Variants in GRIP1 observed in about 807,000 individuals in gnomAD.
GRIP1 encodes glutamate receptor interacting protein 1, also known as glutamate receptor-interacting protein 1.
In GRIP1, 45 loss-of-function variants were observed where a neutral mutation model predicts 129.9. The ratio of observed to expected loss-of-function variants is 0.35; its 90% CI spans 0.27 to 0.44. The LOEUF (loss-of-function observed/expected upper bound fraction) is 0.44. GRIP1 is among the 20% of genes least tolerant of loss of function. GRIP1 has a pLI of 1.00. For missense variants in GRIP1, 1,196 were observed against 1,396.8 expected (o/e 0.86, Z 2.29); for synonymous variants, 530 against 520.8 (o/e 1.02, Z -0.24).
chr12:66,923,785 ATTG>A lies in GRIP1; in HGVS notation c.58+145262_58+145264del, dbSNP rs2041251130. On this transcript the variant is annotated intron_variant, in intron 1 of 1. Coordinates refer to the GRIP1 transcript ENST00000643019. Reference sequence around the variant, plus strand: ...ATTCCTCATCTATAAAATGGGAGTAATTGTTGTATTTATACTCCCTGAGCTTTC... The same window carrying A: ...ATTCCTCATCTATAAAATGGGAGTAATTGTATTTATACTCCCTGAGCTTTC... Among the ~76,000 whole-genome samples, 8 of 152,262 alleles carry A rather than the reference ATTG, an allele frequency of 5.3e-5. No individual in the cohort carries two copies. The South Asian group carries it at 1.5e-3, about 28-fold the overall frequency.
chr12:66,795,967 T>C (rs2038683673), intron 1 of GRIP1, among the ~76,000 whole-genome samples: 1 of 152,166 alleles, frequency 6.6e-6, no homozygotes, highest in Admixed American at 6.6e-5. Flanking sequence ...AGTGTACTTT[T>C]AGCTTAAGAA....
chr12:66,971,577 T>C (rs1343614537), intron 1 of GRIP1, among the ~76,000 whole-genome samples: 1 of 152,152 alleles, frequency 6.6e-6, no homozygotes, highest in Non-Finnish European at 1.5e-5. Flanking sequence ...AAAAGACAGC[T>C]ATAGTCCCTG....
At chr12:66,450,016 A>G (rs1260146449) in intron 11 of GRIP1, among the ~76,000 whole-genome samples, 2 of 152,078 alleles carry the variant, frequency 1.3e-5, no homozygotes, top group Non-Finnish European at 2.9e-5. Flanking sequence ...AGAAAGAGCC[A>G]AGAGCCGGGC....
intron 1 of GRIP1, among the ~76,000 whole-genome samples, chr12:66,660,222 G>C (rs545087831): frequency 6.6e-6 from 1 of 151,928 alleles, no homozygotes; most frequent in Non-Finnish European, 1.5e-5. Flanking sequence ...CTATTAAAAT[G>C]GTCTATAAAA....
intron 1 of GRIP1, among the ~76,000 whole-genome samples, chr12:66,959,765 G>T (rs2041895710): frequency 6.6e-6 from 1 of 151,898 alleles, no homozygotes. Flanking sequence ...TTTTAGGCTA[G>T]TTTAATATTT....
chr12:66,833,878 G>T (rs2039562127), intron 1 of GRIP1, among the ~76,000 whole-genome samples: 1 of 152,026 alleles, frequency 6.6e-6, no homozygotes, highest in South Asian at 2.1e-4. Flanking sequence ...AAATTTAAAA[G>T]GATTATGTTG....
intron 1 of GRIP1, among the ~76,000 whole-genome samples, chr12:66,951,397 G>A (rs1014017624): frequency 6.6e-6 from 1 of 152,104 alleles, no homozygotes; most frequent in East Asian, 1.9e-4. Flanking sequence ...AAGGTTCTGT[G>A]GCAGGAGGCA....
intron 1 of GRIP1, among the ~76,000 whole-genome samples, chr12:67,058,409 T>C (rs2043474036): frequency 6.6e-6 from 1 of 152,218 alleles, no homozygotes; most frequent in Non-Finnish European, 1.5e-5. Context: ...ACTTATTAAT[T>C]CTAACATAAA....
At chr12:66,615,036 T>A (rs997533437) in intron 1 of GRIP1, among the ~76,000 whole-genome samples, 1 of 152,184 alleles carries the variant, frequency 6.6e-6, no homozygotes, top group Non-Finnish European at 1.5e-5. Context: ...CTTAGAACTA[T>A]CTGAAATGTC....
At chr12:66,589,442 G>A (rs1214826774) in intron 2 of GRIP1, among the ~76,000 whole-genome samples, 1 of 152,042 alleles carries the variant, frequency 6.6e-6, no homozygotes, top group Non-Finnish European at 1.5e-5. Flanking sequence ...ACTACTTACT[G>A]ACTACTGACA....
intron 7 of GRIP1, among the ~76,000 whole-genome samples, chr12:66,480,161 T>C (rs753785744): frequency 1.3e-5 from 2 of 152,180 alleles, no homozygotes; most frequent in Non-Finnish European, 2.9e-5. Context: ...ATTGTATATT[T>C]AGAAAACCTC....
chr12:66,716,830 A>G (rs2035904737), intron 1 of GRIP1, among the ~76,000 whole-genome samples: 1 of 151,958 alleles, frequency 6.6e-6, no homozygotes, highest in Non-Finnish European at 1.5e-5. Context: ...AAACACTTTA[A>G]TTTTTTGACA....
chr12:66,397,925 T>G (rs2056854641), intron 16 of GRIP1, among the ~76,000 whole-genome samples: 1 of 152,250 alleles, frequency 6.6e-6, no homozygotes, highest in Non-Finnish European at 1.5e-5. Context: ...GAAAGCCCTA[T>G]GTGGATGCCT....
At chr12:66,364,412 T>C (rs2055014050) in intron 23 of GRIP1, among the ~76,000 whole-genome samples, 3 of 152,070 alleles carry the variant, frequency 2.0e-5, no homozygotes, top group Admixed American at 6.5e-5. Flanking sequence ...CACTGGGTCC[T>C]GCAAACCTCC....
intron 3 of GRIP1, 129 bp from the exon 4 acceptor site, chr12:66,539,352 C>T (rs2061701263): frequency 8.3e-7 from 1 of 1,202,932 alleles, no homozygotes. Flanking sequence ...CAGCAGAAGT[C>T]CCTGCCTCCT....
intron 2 of GRIP1, among the ~76,000 whole-genome samples, chr12:66,577,018 G>A (rs34274845): frequency 0.24 from 37,118 of 151,982 alleles, 4,628 homozygotes; most frequent in Admixed American, 0.28. Flanking sequence ...TTTCAGACCA[G>A]CAGCGTGGCA....
intron 1 of GRIP1, among the ~76,000 whole-genome samples, chr12:67,052,655 G>GC (rs2043365055): frequency 2.6e-5 from 4 of 151,926 alleles, no homozygotes; most frequent in Non-Finnish European, 5.9e-5. Context: ...AGCTACTCAG[G>GC]ATGCTGAGGC....
At chr12:66,517,378 C>T (rs1482395599) in intron 6 of GRIP1, among the ~76,000 whole-genome samples, 3 of 152,088 alleles carry the variant, frequency 2.0e-5, no homozygotes, top group African/African-American at 7.3e-5. Flanking sequence ...AATGAAATGT[C>T]TTCCATTTTA....
intron 1 of GRIP1, among the ~76,000 whole-genome samples, chr12:66,783,634 C>T (rs2038226934): frequency 6.6e-6 from 1 of 152,120 alleles, no homozygotes; most frequent in Non-Finnish European, 1.5e-5. Context: ...GTTAAAAATT[C>T]ATGGCCAACA....
Sources: allele counts gnomAD v4.1 joint callset (sites outside exome capture counted in the v4.1 genomes callset), GRCh38; gene constraint gnomAD v4.1.1; transcripts MANE v1.5; gene names NCBI Gene and HGNC (gene_info 2026-07-23, HGNC 2026-07-21).